DGKI: variants seen among roughly 807,000 people sequenced by gnomAD.
DGKI encodes the protein DAG kinase iota.
DGKI carries 55 observed loss-of-function variants against 147.5 expected under a neutral mutation model. The ratio of observed to expected loss-of-function variants is 0.37; its 90% CI spans 0.30 to 0.47. DGKI has a LOEUF of 0.47. DGKI is among the 20% of genes least tolerant of loss of function. The pLI is 1.00. For missense variants in DGKI, 1,007 were observed against 1,323.8 expected (o/e 0.76, Z 3.71); for synonymous variants, 469 against 477.1 (o/e 0.98, Z 0.22).
At position 137,846,701 on chromosome 7, in the gene DGKI, G is replaced by A; in HGVS notation, c.162C>T (p.Asn54=). ...PSAAAGAGAM[N]PSSSAGEEKG... ...TCTCCTCTCCCGCCGAGGAGCTGGGGTTCATGGCGCCCGCTCCGGCGGCCG... is the reference window on the plus strand; with the variant it reads ...TCTCCTCTCCCGCCGAGGAGCTGGGATTCATGGCGCCCGCTCCGGCGGCCG... The change falls in exon 1 of 33, where the codon AAC becomes AAT. Residue 54 remains asparagine, a synonymous_variant. Transcript: ENST00000614521. The surrounding 1 kb of genome is among the most constrained non-coding windows in gnomAD (Gnocchi z 4.0). 9.6e-7 allele frequency: 1 copy of A among 1,042,576 alleles called. No individual in the cohort carries two copies. The highest frequency in any genetic ancestry group is 3.5e-5 in the South Asian group (1 of 28,546). 64.6% of individuals were successfully genotyped at this position (1,042,576 alleles called of 1,614,324 possible). A position where few individuals can be genotyped will look rare whatever the true frequency, so the allele number is the denominator to read the frequency against.
At chr7:137,529,985 C>T (rs1338238245) in intron 20 of DGKI, among the ~76,000 whole-genome samples, 1 of 152,162 alleles carries the variant, frequency 6.6e-6, no homozygotes, top group Non-Finnish European at 1.5e-5. Flanking sequence ...CTGACCTCCT[C>T]GGGTGATCCA....
At chr7:137,698,628 G>A (rs1585383964) in intron 1 of DGKI, among the ~76,000 whole-genome samples, 1 of 152,182 alleles carries the variant, frequency 6.6e-6, no homozygotes, top group East Asian at 1.9e-4. Context: ...ACTCCCAGCA[G>A]CGGTGAAATG....
At chr7:137,485,945 T>C (rs1815540909) in intron 22 of DGKI, among the ~76,000 whole-genome samples, 1 of 152,056 alleles carries the variant, frequency 6.6e-6, no homozygotes, top group African/African-American at 2.4e-5. Flanking sequence ...TATCACAAAG[T>C]GCAAATTAAC....
At chr7:137,722,297 C>T in intron 1 of DGKI, 8 of 1,612,320 alleles carry the variant, frequency 5.0e-6, no homozygotes, top group Non-Finnish European at 5.9e-6. Context: ...AACGGCAGTA[C>T]CCGGGTGGTT....
At chr7:137,592,939 G>C (rs1819665856) in intron 12 of DGKI, among the ~76,000 whole-genome samples, 1 of 152,164 alleles carries the variant, frequency 6.6e-6, no homozygotes, top group Admixed American at 6.5e-5. Context: ...CAGTGAGAGA[G>C]GATGAAATAT....
intron 27 of DGKI, among the ~76,000 whole-genome samples, chr7:137,461,324 T>C (rs1292771150): frequency 6.6e-6 from 1 of 152,204 alleles, no homozygotes; most frequent in African/African-American, 2.4e-5. Context: ...AACAGCTAAA[T>C]TTAAAAATTG....
chr7:137,482,700 T>C (rs1207786631), intron 23 of DGKI, among the ~76,000 whole-genome samples: 1 of 152,042 alleles, frequency 6.6e-6, no homozygotes, highest in East Asian at 1.9e-4. Flanking sequence ...CTCCTTGCCC[T>C]GCTCAGGAAA....
chr7:137,552,673 C>A (rs1818088321), intron 19 of DGKI, 105 bp from the exon 20 acceptor site: 1 of 1,212,912 alleles, frequency 8.2e-7, no homozygotes, highest in Non-Finnish European at 1.2e-6. Flanking sequence ...CTTTGGGAGA[C>A]CAAGGCAGGT....
intron 10 of DGKI, among the ~76,000 whole-genome samples, chr7:137,606,622 C>A (rs1338412492): frequency 6.6e-6 from 1 of 152,154 alleles, no homozygotes; most frequent in Non-Finnish European, 1.5e-5. Flanking sequence ...ACATTAAATT[C>A]CACCATATTA....
At chr7:137,549,429 G>C (rs1416907252) in intron 20 of DGKI, among the ~76,000 whole-genome samples, 5 of 152,124 alleles carry the variant, frequency 3.3e-5, no homozygotes, top group African/African-American at 1.2e-4. Flanking sequence ...TTAACATGCT[G>C]TGTGAAAGAA....
At chr7:137,400,201 C>A (rs552390556) in intron 30 of DGKI, among the ~76,000 whole-genome samples, 7 of 152,308 alleles carry the variant, frequency 4.6e-5, no homozygotes, top group Admixed American at 2.6e-4. Flanking sequence ...GCACTCTTCA[C>A]GTCAGCAAGG....
chr7:137,462,000 A>G (rs967096315), intron 27 of DGKI, among the ~76,000 whole-genome samples: 1 of 152,122 alleles, frequency 6.6e-6, no homozygotes, highest in African/African-American at 2.4e-5. Context: ...ATATACAATT[A>G]TTTTATTTAT....
intron 17 of DGKI, among the ~76,000 whole-genome samples, chr7:137,574,793 TG>T (rs1385083345): frequency 2.0e-5 from 3 of 152,258 alleles, no homozygotes; most frequent in Admixed American, 6.5e-5. Context: ...ATATGGAAAG[TG>T]GAACAAATAA....
chr7:137,797,861 T>A (rs1797081541), intron 1 of DGKI, among the ~76,000 whole-genome samples: 1 of 151,832 alleles, frequency 6.6e-6, no homozygotes, highest in Non-Finnish European at 1.5e-5. Context: ...TAATAAAACT[T>A]AGAGCCTAAA....
At chr7:137,616,879 T>C (rs1201182221) in intron 8 of DGKI, among the ~76,000 whole-genome samples, 4 of 151,910 alleles carry the variant, frequency 2.6e-5, no homozygotes, top group Non-Finnish European at 5.9e-5. Flanking sequence ...GTCTCTTTTC[T>C]AAAAATCATA....
intron 1 of DGKI, among the ~76,000 whole-genome samples, chr7:137,746,937 G>A (rs1235644311): frequency 2.6e-5 from 4 of 152,136 alleles, no homozygotes; most frequent in Non-Finnish European, 5.9e-5. Context: ...GCAAGATGAA[G>A]GGACTAGAAT....
intron 8 of DGKI, among the ~76,000 whole-genome samples, chr7:137,610,927 C>T (rs553334565): frequency 6.6e-6 from 1 of 152,240 alleles, no homozygotes; most frequent in East Asian, 1.9e-4. Context: ...TCTTTCCCAT[C>T]AGATTAAAAG....
At chr7:137,559,813 A>T (rs1818357147) in intron 19 of DGKI, among the ~76,000 whole-genome samples, 1 of 152,154 alleles carries the variant, frequency 6.6e-6, no homozygotes, top group African/African-American at 2.4e-5. Context: ...AATCATTTGT[A>T]TGCTTTAAAG....
intron 5 of DGKI, among the ~76,000 whole-genome samples, chr7:137,651,848 T>C (rs1348054717): frequency 6.6e-6 from 1 of 152,168 alleles, no homozygotes; most frequent in African/African-American, 2.4e-5. Context: ...ATGTAGTATC[T>C]TGAATATTTT....
Sources: gnomAD v4.1 joint callset for allele counts (sites outside exome capture counted in the v4.1 genomes callset) on GRCh38, gnomAD v4.1.1 for gene constraint, Gnocchi (gnomAD v3.1) non-coding constraint, MANE v1.5 for transcripts, NCBI Gene and HGNC (gene_info 2026-07-23, HGNC 2026-07-21) for gene names.